The following UPB1 variants were observed in gnomAD, a reference collection of about 807,000 sequenced individuals.
UPB1 encodes the protein beta-ureidopropionase 1, also known as beta-ureidopropionase.
UPB1 carries 40 observed loss-of-function variants against 49.1 expected under a neutral mutation model. That is an observed-to-expected ratio of 0.81 (90% CI 0.63 to 1.06). UPB1 has a LOEUF of 1.06. Ranked by LOEUF, UPB1 falls within the 50% of genes least tolerant of loss-of-function variation. UPB1 has a pLI of 0.00. For missense variants in UPB1, 499 were observed against 505.9 expected, an observed-to-expected ratio of 0.99 and a Z score of 0.13; for synonymous variants, 207 against 198.2, an observed-to-expected ratio of 1.04 and a Z score of -0.38.
At chr22:24,517,510 A>AG (rs942910705) in intron 6 of UPB1, among the ~76,000 whole-genome samples, 6 of 152,212 alleles carry the variant, frequency 3.9e-5, no homozygotes, top group African/African-American at 1.4e-4. Context: ...CTTCTGGGCC[A>AG]GGGCAGACAA....
chr22:24,502,094 T>G, intron 2 of UPB1, 32 bp from the exon 3 acceptor site: 1 of 1,610,238 alleles, frequency 6.2e-7, no homozygotes, highest in Non-Finnish European at 8.5e-7. Flanking sequence ...CCAATAGAAC[T>G]AAATGGATTC....
intron 9 of UPB1, 86 bp from the exon 10 acceptor site, chr22:24,525,625 C>T: frequency 1.3e-6 from 2 of 1,515,928 alleles, no homozygotes; most frequent in Non-Finnish European, 1.8e-6. Context: ...CCATGACTGC[C>T]CTCCAGTGGC....
intron 4 of UPB1, 44 bp from the exon 5 acceptor site, chr22:24,513,280 A>T (rs1213058549): frequency 6.2e-7 from 1 of 1,613,730 alleles, no homozygotes; most frequent in African/African-American, 1.3e-5. Flanking sequence ...AACTACAACA[A>T]TTGGTTTATA....
At chr22:24,506,000 A>G (rs181251778) in intron 3 of UPB1, among the ~76,000 whole-genome samples, 4,264 of 135,864 alleles carry the variant, frequency 0.031, 110 homozygotes, top group African/African-American at 0.071. Context: ...GGCGTGAGCC[A>G]CCGTGCCTGG....
intron 6 of UPB1, among the ~76,000 whole-genome samples, chr22:24,519,363 A>G (rs552444225): frequency 2.6e-5 from 4 of 152,086 alleles, no homozygotes; most frequent in Non-Finnish European, 4.4e-5. Flanking sequence ...CAGTGTTTCT[A>G]AGTGGGCATT....
intron 3 of UPB1, chr22:24,503,658 T>C (rs1460443436): frequency 6.6e-6 from 1 of 152,272 alleles, no homozygotes; most frequent in Admixed American, 6.5e-5. Flanking sequence ...TGCTGCTTCC[T>C]TTAAATGGAC....
chr22:24,501,454 G>A (rs1476039458), intron 2 of UPB1, among the ~76,000 whole-genome samples: 7 of 152,232 alleles, frequency 4.6e-5, no homozygotes, highest in Admixed American at 4.6e-4. Flanking sequence ...GACAGCAGAG[G>A]AAGAGTGGCA....
intron 8 of UPB1, 78 bp downstream of exon 8, chr22:24,522,106 A>G: frequency 1.3e-6 from 2 of 1,535,266 alleles, no homozygotes; most frequent in East Asian, 2.3e-5. Context: ...TCCTCCAGTC[A>G]GGATCTGCCA....
At chr22:24,511,618 A>ATTTTTT (rs386395041) in intron 4 of UPB1, among the ~76,000 whole-genome samples, 9 of 122,554 alleles carry the variant, frequency 7.3e-5, no homozygotes, top group South Asian at 2.7e-4. Context: ...ATATATATAT[A>ATTTTTT]TTTTTTTTTT....
At chr22:24,515,997 G>A (rs1158797861) in intron 6 of UPB1, among the ~76,000 whole-genome samples, 10 of 151,562 alleles carry the variant, frequency 6.6e-5, no homozygotes, top group African/African-American at 9.7e-5. Flanking sequence ...AAAACAAAAC[G>A]AAAAAACAAA....
intron 1 of UPB1, among the ~76,000 whole-genome samples, chr22:24,495,876 G>C (rs1376553595): frequency 1.3e-5 from 2 of 152,164 alleles, no homozygotes; most frequent in African/African-American, 2.4e-5. Context: ...CAGGTGTACT[G>C]ATTGTCCGGC....
At chr22:24,520,331 C>T (rs890362922) in intron 6 of UPB1, 56 bp from the exon 7 acceptor site, 11 of 1,587,576 alleles carry the variant, frequency 6.9e-6, no homozygotes, top group Admixed American at 1.7e-5. Flanking sequence ...GGCTGAGCAT[C>T]CACTGAGTCT....
intron 6 of UPB1, among the ~76,000 whole-genome samples, chr22:24,515,666 G>GC (rs2044281713): frequency 2.0e-5 from 3 of 152,202 alleles, no homozygotes; most frequent in Non-Finnish European, 4.4e-5. Flanking sequence ...CCTGTAGTCA[G>GC]CAGGGGGCTT....
intron 2 of UPB1, 111 bp from the exon 3 acceptor site, chr22:24,502,012 ACTC>A (rs750254661): frequency 5.4e-5 from 56 of 1,034,636 alleles, no homozygotes; most frequent in Non-Finnish European, 8.2e-5. Flanking sequence ...TCCCCACCCT[ACTC>A]CTCATACCTG....
intron 7 of UPB1, 142 bp from the exon 8 acceptor site, chr22:24,521,844 A>G (rs1408158202): frequency 2.7e-5 from 23 of 839,772 alleles, no homozygotes; most frequent in Middle Eastern, 4.9e-4. Context: ...CGGTGAGTAC[A>G]GACCATTCCA....
Position 24,522,000 on chromosome 22 carries a change from C to T in UPB1, c.888C>T (p.Asn296=), listed in dbSNP as rs529059518. The T allele has an allele frequency of 2.3e-5, 37 of 1,614,106 alleles. No individual in the cohort carries two copies. The South Asian group carries it at 2.9e-4, about 12-fold the overall frequency. Residue 296 remains asparagine, a synonymous_variant, in exon 8 of 10, where the codon AAC becomes AAT. Transcript: ENST00000326010. ...INRVGTEHFP[N]EFTSGDGKKA... is the part of the protein sequence containing the mutation. ...TTATTTCACAGGAGCACTTCCCGAA[C>T]GAGTTTACCTCGGGAGATGGAAAGA... is the stretch of plus-strand genomic sequence containing the variant.
At chr22:24,505,999 C>T (rs1170411003) in intron 3 of UPB1, among the ~76,000 whole-genome samples, 2 of 148,240 alleles carry the variant, frequency 1.3e-5, no homozygotes, top group African/African-American at 5.0e-5. Flanking sequence ...AGGCGTGAGC[C>T]ACCGTGCCTG....
chr22:24,499,459 C>A (rs1195704846), intron 1 of UPB1, among the ~76,000 whole-genome samples: 7 of 152,138 alleles, frequency 4.6e-5, no homozygotes, highest in Admixed American at 4.6e-4. Context: ...ATAACTAATT[C>A]TCTAGCCTTG....
At chr22:24,513,866 C>A (rs558757343) in intron 5 of UPB1, among the ~76,000 whole-genome samples, 4 of 152,156 alleles carry the variant, frequency 2.6e-5, no homozygotes, top group Non-Finnish European at 5.9e-5. Context: ...GAGCCTAGCA[C>A]GCCACAGCCC....
Sources: gnomAD v4.1 joint callset for allele counts (sites outside exome capture counted in the v4.1 genomes callset) on GRCh38, gnomAD v4.1.1 for gene constraint, MANE v1.5 for transcripts, NCBI Gene and HGNC (gene_info 2026-07-23, HGNC 2026-07-21) for gene names.